The following MTREX variants were observed in gnomAD, a reference collection of about 807,000 sequenced individuals.
MTREX encodes exosome RNA helicase MTR4.
Under a neutral mutation model 135.4 loss-of-function variants are expected in MTREX, and 76 were observed. The ratio of observed to expected loss-of-function variants is 0.56; its 90% CI spans 0.47 to 0.68. The LOEUF (loss-of-function observed/expected upper bound fraction) is 0.68, where lower values mean the gene tolerates loss of function less well. Ranked by LOEUF, MTREX falls within the 30% of genes least tolerant of loss-of-function variation. The pLI is 0.00. For synonymous variants in MTREX, 404 were observed against 401.6 expected (o/e 1.01, Z -0.07); for missense variants, 920 against 1,262.1 (o/e 0.73, Z 4.11).
chr5:55,356,546 C>T (rs1749917194), intron 14 of MTREX: 1 of 200,994 alleles, frequency 5.0e-6, no homozygotes, highest in Non-Finnish European at 1.1e-5. Context: ...GCAGTGTAGT[C>T]ATATGAGCTC....
chr5:55,375,676 A>C (rs918707585), intron 16 of MTREX, among the ~76,000 whole-genome samples: 2 of 152,204 alleles, frequency 1.3e-5, no homozygotes, highest in African/African-American at 4.8e-5. Flanking sequence ...CAGGATTAAG[A>C]GATTAAAGTA....
intron 1 of MTREX, among the ~76,000 whole-genome samples, chr5:55,317,782 C>T (rs1749222410): frequency 6.6e-6 from 1 of 152,160 alleles, no homozygotes; most frequent in African/African-American, 2.4e-5. Context: ...CAAATGGGAT[C>T]TAATTAAACT....
At chr5:55,343,195 G>A in intron 7 of MTREX, 136 bp from the exon 8 acceptor site, 1 of 747,190 alleles carries the variant, frequency 1.3e-6, no homozygotes, top group Non-Finnish European at 2.1e-6. Context: ...TTTCAGTAAG[G>A]TTCTGTGGCT....
chr5:55,332,905 G>C (rs1749500126), intron 5 of MTREX, among the ~76,000 whole-genome samples: 1 of 152,028 alleles, frequency 6.6e-6, no homozygotes, highest in African/African-American at 2.4e-5. Flanking sequence ...GTTCCTTCCA[G>C]ACCTTGGCTT....
chr5:55,357,284 A>T (rs548275720), intron 14 of MTREX: 1 of 152,470 alleles, frequency 6.6e-6, no homozygotes. Context: ...CTTAACTGTC[A>T]TATATGGGTT....
chr5:55,415,500 T>A (rs1434504958), intron 24 of MTREX, among the ~76,000 whole-genome samples: 2 of 152,224 alleles, frequency 1.3e-5, no homozygotes, highest in Non-Finnish European at 2.9e-5. Flanking sequence ...TAGGAGTTTT[T>A]GGCCTTTTAG....
At chr5:55,403,068 G>A (rs1366444635) in intron 21 of MTREX, among the ~76,000 whole-genome samples, 2 of 151,836 alleles carry the variant, frequency 1.3e-5, no homozygotes, top group Non-Finnish European at 2.9e-5. Context: ...AGGCATGGTA[G>A]CATGCACCTG....
chr5:55,377,956 C>G (rs562811733), intron 16 of MTREX, among the ~76,000 whole-genome samples: 1 of 151,416 alleles, frequency 6.6e-6, no homozygotes, highest in South Asian at 2.1e-4. Flanking sequence ...AAAAGAGATC[C>G]TGAGTCATAC....
chr5:55,402,150 A>G (rs1750730984), intron 21 of MTREX, among the ~76,000 whole-genome samples: 1 of 152,238 alleles, frequency 6.6e-6, no homozygotes, highest in Non-Finnish European at 1.5e-5. Flanking sequence ...GTGAACTTAC[A>G]TCATATGGTG....
intron 12 of MTREX, 64 bp from the exon 13 acceptor site, chr5:55,350,850 ATTTAG>A: frequency 1.6e-6 from 2 of 1,251,448 alleles, no homozygotes; most frequent in Non-Finnish European, 2.2e-6. Context: ...GTTTTTCTTA[ATTTAG>A]TTTAACATTT....
intron 16 of MTREX, among the ~76,000 whole-genome samples, chr5:55,377,904 T>G (rs531753823): frequency 2.0e-5 from 3 of 152,156 alleles, no homozygotes; most frequent in South Asian, 2.1e-4. Context: ...AAAAATTCTC[T>G]GACCTACCTT....
intron 1 of MTREX, 97 bp downstream of exon 1, chr5:55,308,244 A>C: frequency 7.1e-7 from 1 of 1,401,082 alleles, no homozygotes. Context: ...AGTGAAGTGT[A>C]CATTGAGTGG....
intron 1 of MTREX, among the ~76,000 whole-genome samples, chr5:55,321,993 A>G (rs911659835): frequency 3.3e-5 from 5 of 152,224 alleles, no homozygotes; most frequent in Non-Finnish European, 7.3e-5. Context: ...ATGCCTTTAG[A>G]GAAAGCATTA....
chr5:55,364,493 G>A (rs1490040686), intron 15 of MTREX, among the ~76,000 whole-genome samples: 1 of 152,182 alleles, frequency 6.6e-6, no homozygotes, highest in Non-Finnish European at 1.5e-5. Context: ...ATGAAACTGA[G>A]TTCAGTACCT....
intron 5 of MTREX, among the ~76,000 whole-genome samples, chr5:55,330,606 GCTT>G (rs1442402945): frequency 6.7e-6 from 1 of 150,280 alleles, no homozygotes; most frequent in Non-Finnish European, 1.5e-5. Flanking sequence ...TGACTTTCCT[GCTT>G]CTTTGATTTT....
chr5:55,341,191 A>C (rs1025427508), intron 6 of MTREX, among the ~76,000 whole-genome samples: 4 of 152,158 alleles, frequency 2.6e-5, no homozygotes, highest in Non-Finnish European at 4.4e-5. Context: ...CATTAACTCC[A>C]AAAATTAGGG....
intron 20 of MTREX, 66 bp downstream of exon 20, chr5:55,397,592 C>T: frequency 1.0e-6 from 1 of 960,842 alleles, no homozygotes; most frequent in Non-Finnish European, 1.6e-6. Context: ...TATAAAGAGG[C>T]AACTGAAATG....
At position 55,405,599 on chromosome 5, in the gene MTREX, G is replaced by A; in HGVS notation, c.2645+11G>A. ...TTGTGAGATAAGCAGGTAAAATCTG[G>A]TTATTGTTCTAGAAAGTTCATTTTT... is the stretch of plus-strand genomic sequence containing the variant. On this transcript the variant is annotated intron_variant, in intron 22 of 26. Coordinates refer to ENST00000230640, the MANE Select transcript of MTREX (RefSeq NM_015360.5). The A allele has an allele frequency of 6.3e-7, 1 of 1,588,796 alleles. No homozygotes were observed. Among genetic ancestry groups the A allele is most frequent in the Non-Finnish European group, 8.6e-7 (1 of 1,166,566 alleles).
At chr5:55,350,681 A>G (rs1334429184) in intron 12 of MTREX, among the ~76,000 whole-genome samples, 1 of 152,184 alleles carries the variant, frequency 6.6e-6, no homozygotes, top group African/African-American at 2.4e-5. Context: ...AAAATTTAAG[A>G]CAGCAAAGCA....
Sources: gnomAD v4.1 joint callset for allele counts (sites outside exome capture counted in the v4.1 genomes callset) on GRCh38, gnomAD v4.1.1 for gene constraint, MANE v1.5 for transcripts, NCBI Gene and HGNC (gene_info 2026-07-23, HGNC 2026-07-21) for gene names.